The following ZNF610 variants were observed in gnomAD, a reference collection of about 807,000 sequenced individuals.
ZNF610 encodes the protein zinc finger protein 610.
A neutral mutation model predicts 14.1 loss-of-function variants in ZNF610; 14 were observed. That is an observed-to-expected ratio of 0.99 (90% CI 0.65 to 1.55). The LOEUF is 1.55. Among genes scored for constraint, ZNF610 ranks in the 40% most tolerant of loss-of-function variants. The pLI is 0.00. For synonymous variants in ZNF610, 185 were observed against 187.6 expected (o/e 0.99, Z 0.11); for missense variants, 530 against 558.0 (o/e 0.95, Z 0.51).
chr19:52,363,169 A>C, intron 5 of ZNF610, among the ~76,000 whole-genome samples: 1 of 145,672 alleles, frequency 6.9e-6, no homozygotes, highest in Non-Finnish European at 1.5e-5. Flanking sequence ...CCTGTTGCCT[A>C]CCCAGGCTGG....
chr19:52,360,653 T>C (rs321938), intron 5 of ZNF610, among the ~76,000 whole-genome samples: 108,030 of 152,060 alleles, frequency 0.71, 38,581 homozygotes, highest in South Asian at 0.79. Context: ...TTTCTGCATC[T>C]GATGAGCCTA....
chr19:52,354,471 G>T, intron 5 of ZNF610, 92 bp downstream of exon 5: 1 of 1,407,990 alleles, frequency 7.1e-7, no homozygotes, highest in Non-Finnish European at 9.6e-7. Flanking sequence ...CTGTAGTGCA[G>T]TGGCAATCAT....
chr19:52,330,723 C>T, the ZNF610 span, among the ~76,000 whole-genome samples: 164 of 152,232 alleles, frequency 1.1e-3, 1 homozygote, highest in African/African-American at 3.1e-3. Context: ...ACACCTCACG[C>T]GACCTTCTGC....
chr19:52,346,166 A>C (rs115340773), intron 1 of ZNF610, among the ~76,000 whole-genome samples: 3 of 149,168 alleles, frequency 2.0e-5, no homozygotes, highest in Non-Finnish European at 3.0e-5. Flanking sequence ...ACCCGGCTAA[A>C]GTTTGTATTT....
intron 1 of ZNF610, among the ~76,000 whole-genome samples, chr19:52,341,452 A>G (rs1053673562): frequency 1.1e-4 from 16 of 150,730 alleles, no homozygotes; most frequent in Non-Finnish European, 3.0e-5. Context: ...TGGGATTACA[A>G]GCACACGCCA....
At chr19:52,359,678 G>A (rs1366787450) in intron 5 of ZNF610, among the ~76,000 whole-genome samples, 1 of 152,170 alleles carries the variant, frequency 6.6e-6, no homozygotes, top group Non-Finnish European at 1.5e-5. Flanking sequence ...CGACGGTATA[G>A]GAGTTTTTTC....
intron 1 of ZNF610, among the ~76,000 whole-genome samples, chr19:52,338,722 C>T (rs886320093): frequency 1.3e-5 from 2 of 151,866 alleles, no homozygotes; most frequent in African/African-American, 4.8e-5. Flanking sequence ...TTCTTTGAGA[C>T]GGAGTTTCGG....
At chr19:52,363,227 TC>T in intron 5 of ZNF610, among the ~76,000 whole-genome samples, 1 of 151,994 alleles carries the variant, frequency 6.6e-6, no homozygotes, top group East Asian at 1.9e-4. Flanking sequence ...CCTCCCAGGT[TC>T]AAGCGATTCT....
upstream of ZNF610, among the ~76,000 whole-genome samples, chr19:52,333,297 G>C (rs553702687): frequency 7.9e-5 from 12 of 152,336 alleles, no homozygotes; most frequent in Admixed American, 3.3e-4. Flanking sequence ...GGAAGAAAAG[G>C]CTCAGCAGCA....
At chr19:52,358,934 C>T (rs1600238777) in intron 5 of ZNF610, among the ~76,000 whole-genome samples, 1 of 152,182 alleles carries the variant, frequency 6.6e-6, no homozygotes, top group Admixed American at 6.5e-5. Context: ...TCTTGGCAGC[C>T]TTATTGAACA....
chr19:52,354,686 C>G (rs900936289), intron 5 of ZNF610, among the ~76,000 whole-genome samples: 7 of 146,618 alleles, frequency 4.8e-5, no homozygotes, highest in Non-Finnish European at 1.0e-4. Context: ...TCAAGTGATT[C>G]TCGTGCCTCA....
chr19:52,355,406 G>A (rs1337612225), intron 5 of ZNF610, among the ~76,000 whole-genome samples: 1 of 152,208 alleles, frequency 6.6e-6, no homozygotes, highest in Non-Finnish European at 1.5e-5. Context: ...GGTCTATTTG[G>A]ATGGGAAGAA....
chr19:52,356,920 T>A (rs949598254), intron 5 of ZNF610, among the ~76,000 whole-genome samples: 3 of 152,060 alleles, frequency 2.0e-5, no homozygotes, highest in Admixed American at 6.6e-5. Context: ...CAAATGTGAG[T>A]TTTACTTCCA....
Position 52,366,665 on chromosome 19 carries a change from G to C in ZNF610, c.1287G>C (p.Lys429Asn), listed in dbSNP as rs1332835096. 6.2e-7 allele frequency: 1 copy of C among 1,614,020 alleles called. No homozygotes were observed. The highest frequency in any genetic ancestry group is 2.2e-5 in the East Asian group (1 of 44,878). ...TTCATACTGGAGAGAGACCTTACAA[G>C]TGTAATGCATGTGGCAAGGTCTTCA... ...QRIHTGERPY[K>N]CNACGKVFNQ... Residue 429 changes from lysine to asparagine, a missense_variant, in exon 6 of 6, where the codon AAG becomes AAC. Coordinates refer to ENST00000403906, the MANE Select transcript of ZNF610 (RefSeq NM_001161425.2).
Position 52,353,800 on chromosome 19 carries a change from T to C in ZNF610, c.182T>C (p.Val61Ala), listed in dbSNP as rs1410732684. 6.2e-7 allele frequency: 1 copy of C among 1,611,790 alleles called. No individual in the cohort carries two copies. The highest frequency in any genetic ancestry group is 8.5e-7 in the Non-Finnish European group (1 of 1,179,362). Residue 61 changes from valine to alanine, a missense_variant, in exon 4 of 6, where the codon GTC becomes GCC. By Grantham distance (64) the Val-to-Ala change is moderately conservative. Coordinates refer to ENST00000403906, the MANE Select transcript of ZNF610 (RefSeq NM_001161425.2). ...ATGTTGGAGAACTACAGGAACCTGG[T>C]CTTTCTGGGTGAGGATGACTTCCCT... The part of the protein sequence containing the change: ...DVMLENYRNL[V>A]FLGICLPDLS...
At chr19:52,350,583 CAGG>C (rs1379903349) in intron 3 of ZNF610, among the ~76,000 whole-genome samples, 2 of 152,162 alleles carry the variant, frequency 1.3e-5, no homozygotes, top group African/African-American at 4.8e-5. Context: ...GAGGCTGAGA[CAGG>C]AGAATTGCTT....
At chr19:52,347,330 A>C (rs1985008011) in intron 1 of ZNF610, 1 of 152,246 alleles carries the variant, frequency 6.6e-6, no homozygotes, top group African/African-American at 2.4e-5. Context: ...AAAAGCTTAT[A>C]GAATAAAGAC....
intron 1 of ZNF610, among the ~76,000 whole-genome samples, chr19:52,340,210 G>A (rs763950943): frequency 6.6e-5 from 10 of 152,100 alleles, no homozygotes; most frequent in Non-Finnish European, 8.8e-5. Flanking sequence ...AGACTAGCCT[G>A]GCCAACGTGG....
rs1985987640 is a variant in ZNF610, at chr19:52,365,712, T to G, written c.334T>G (p.Leu112Val). 1.9e-6 allele frequency: 3 copies of G among 1,608,310 alleles called. No homozygotes were observed. The highest frequency in any genetic ancestry group is 1.3e-5 in the African/African-American group (1 of 74,618). Residue 112 changes from leucine (L) to valine (V), a missense_variant, in exon 6 of 6, where the codon TTG (leucine) becomes GTG (valine). Leu to Val is a conservative substitution (Grantham distance 32). Coordinates refer to ENST00000403906, the MANE Select transcript of ZNF610 (RefSeq NM_001161425.2). Reference sequence around the variant, plus strand: ...TTCTTTTCTAGGGAGGAGCTGTGTATTGGGAAGCAATGCAGAAAACAAGCC... The same window carrying G: ...TTCTTTTCTAGGGAGGAGCTGTGTAGTGGGAAGCAATGCAGAAAACAAGCC... ...RSVNTGRSCV[L>V]GSNAENKPIK...
Sources: gnomAD v4.1 joint callset for allele counts (sites outside exome capture counted in the v4.1 genomes callset) on GRCh38, gnomAD v4.1.1 for gene constraint, MANE v1.5 for transcripts, NCBI Gene and HGNC (gene_info 2026-07-23, HGNC 2026-07-21) for gene names.